HMCN1: variants seen among roughly 807,000 people sequenced by gnomAD.
HMCN1 encodes hemicentin-1.
A neutral mutation model predicts 625.9 loss-of-function variants in HMCN1; 321 were observed. The observed-to-expected ratio is 0.51, with a 90% CI of 0.47 to 0.56. The LOEUF (loss-of-function observed/expected upper bound fraction) is 0.56, where lower values mean the gene tolerates loss of function less well. HMCN1 is among the 20% of genes least tolerant of loss of function. HMCN1 has a pLI of 0.00. For synonymous variants in HMCN1, 2,425 were observed against 2,417.6 expected (o/e 1.00, Z -0.09); for missense variants, 6,588 against 6,887.3 (o/e 0.96, Z 1.54).
intron 52 of HMCN1, 88 bp from the exon 53 acceptor site, chr1:186,074,653 T>TA (rs770349855): frequency 1.8e-5 from 21 of 1,193,596 alleles, no homozygotes; most frequent in East Asian, 2.4e-5. Flanking sequence ...TTCATTTATT[T>TA]AAAAAATCAC....
chr1:186,089,736 T>C (rs1659732000), intron 63 of HMCN1, among the ~76,000 whole-genome samples: 1 of 151,950 alleles, frequency 6.6e-6, no homozygotes, highest in Non-Finnish European at 1.5e-5. Flanking sequence ...TAGGACCTAG[T>C]CCAGTGCTTG....
intron 11 of HMCN1, among the ~76,000 whole-genome samples, chr1:185,935,752 T>C (rs1331148393): frequency 6.6e-6 from 1 of 152,132 alleles, no homozygotes; most frequent in African/African-American, 2.4e-5. Flanking sequence ...AAATATAGTC[T>C]AGAATTGATA....
intron 1 of HMCN1, among the ~76,000 whole-genome samples, chr1:185,820,957 AATC>A (rs1270486486): frequency 6.6e-6 from 1 of 152,092 alleles, no homozygotes; most frequent in African/African-American, 2.4e-5. Context: ...GATGAGTTCT[AATC>A]ATCTAATTTT....
chr1:185,818,914 T>C (rs941401123), intron 1 of HMCN1, among the ~76,000 whole-genome samples: 1 of 151,654 alleles, frequency 6.6e-6, no homozygotes, highest in East Asian at 1.9e-4. Context: ...ATTTTACCTT[T>C]TTTTTTTTTG....
At chr1:186,086,795 TGATA>T (rs1553292612) in intron 58 of HMCN1, among the ~76,000 whole-genome samples, 13 of 121,480 alleles carry the variant, frequency 1.1e-4, no homozygotes, top group Middle Eastern at 4.1e-3. Context: ...GATAGATAGA[TGATA>T]GATAGATAGA....
At chr1:185,752,495 A>G (rs926417782) in intron 1 of HMCN1, among the ~76,000 whole-genome samples, 1 of 152,066 alleles carries the variant, frequency 6.6e-6, no homozygotes, top group Non-Finnish European at 1.5e-5. Context: ...CCTTATTCTT[A>G]CAACTCCATC....
rs764885125 is a variant in HMCN1, at chr1:186,019,585, G to C, written c.5515G>C (p.Val1839Leu). The C allele has an allele frequency of 3.7e-5, 60 of 1,610,706 alleles. No individual in the cohort carries two copies. The highest frequency in any genetic ancestry group is 4.8e-5 in the Non-Finnish European group (57 of 1,177,256). Residue 1839 changes from valine to leucine, a missense_variant, in exon 35 of 107, where the codon GTA becomes CTA. Physicochemically the swap from Val to Leu is conservative, Grantham distance 32. Transcript: ENST00000271588. Reference protein sequence around the residue: ...KSSGLSERVVVKYKPVALQCI... With the variant: ...KSSGLSERVVLKYKPVALQCI... ...CTCAGGCCTTTCTGAGAGAGTTGTG[G>C]TAAAATACAAGCCTGTCGCCTTGCA...
chr1:186,051,485 A>G (rs1308044704), intron 42 of HMCN1, among the ~76,000 whole-genome samples: 1 of 152,022 alleles, frequency 6.6e-6, no homozygotes, highest in East Asian at 1.9e-4. Context: ...GAGGGTCTCC[A>G]TTACAGATAT....
At chr1:185,863,483 A>T (rs921338540) in intron 2 of HMCN1, among the ~76,000 whole-genome samples, 9 of 152,236 alleles carry the variant, frequency 5.9e-5, no homozygotes, top group African/African-American at 2.2e-4. Flanking sequence ...TTTCAACAGC[A>T]GTGAAATGGT....
chr1:186,143,384 A>T (rs1025209705), intron 89 of HMCN1, among the ~76,000 whole-genome samples: 2 of 152,176 alleles, frequency 1.3e-5, no homozygotes, highest in African/African-American at 4.8e-5. Context: ...CAAAAATATG[A>T]CCTGGTATTC....
intron 1 of HMCN1, among the ~76,000 whole-genome samples, chr1:185,781,945 G>T (rs549382638): frequency 6.6e-6 from 1 of 152,150 alleles, no homozygotes; most frequent in Admixed American, 6.5e-5. Flanking sequence ...TGACAGTGGG[G>T]TGTTAAAGTC....
intron 1 of HMCN1, among the ~76,000 whole-genome samples, chr1:185,844,473 T>TTGTACCATA (rs1251236000): frequency 1.6e-4 from 25 of 152,368 alleles, no homozygotes; most frequent in African/African-American, 5.5e-4. Flanking sequence ...CAGTCTGTTT[T>TTGTACCATA]TGTACCATAT....
chr1:186,063,683 G>A (rs546338265), intron 48 of HMCN1, among the ~76,000 whole-genome samples: 27 of 152,054 alleles, frequency 1.8e-4, no homozygotes, highest in Non-Finnish European at 1.9e-4. Flanking sequence ...AAAGAAATAG[G>A]TTGGAGTTTT....
intron 86 of HMCN1, 81 bp downstream of exon 86, chr1:186,132,490 A>ATAGCAAGTTCATAAGTGGT: frequency 8.8e-7 from 1 of 1,135,482 alleles, no homozygotes; most frequent in Non-Finnish European, 1.3e-6. Flanking sequence ...CTTTAACTCT[A>ATAGCAAGTTCATAAGTGGT]TAGCAAGTTC....
chr1:185,780,772 G>C (rs998047891), intron 1 of HMCN1, among the ~76,000 whole-genome samples: 10 of 152,124 alleles, frequency 6.6e-5, no homozygotes, highest in African/African-American at 2.4e-4. Flanking sequence ...GAGGATTTTT[G>C]CATCGATGTT....
At chr1:185,996,309 G>A (rs1289997633) in intron 24 of HMCN1, among the ~76,000 whole-genome samples, 1 of 152,094 alleles carries the variant, frequency 6.6e-6, no homozygotes, top group East Asian at 1.9e-4. Context: ...TCCAGGAGAA[G>A]GACATAGAAT....
At chr1:185,854,961 C>T (rs571353621) in intron 2 of HMCN1, among the ~76,000 whole-genome samples, 211 of 152,156 alleles carry the variant, frequency 1.4e-3, no homozygotes, top group Non-Finnish European at 2.0e-3. Flanking sequence ...ATGCAGAATC[C>T]ATATGTGAGT....
chr1:186,140,353 T>A (rs1214420992), intron 89 of HMCN1, among the ~76,000 whole-genome samples: 7 of 152,210 alleles, frequency 4.6e-5, no homozygotes, highest in African/African-American at 1.7e-4. Context: ...TATTTTTTAA[T>A]ATACAGGCCA....
At chr1:185,910,872 C>T (rs1441897926) in intron 5 of HMCN1, among the ~76,000 whole-genome samples, 2 of 152,012 alleles carry the variant, frequency 1.3e-5, no homozygotes, top group Non-Finnish European at 2.9e-5. Flanking sequence ...CCTGGCCTAA[C>T]TTATTTCTTT....
Sources: allele counts gnomAD v4.1 joint callset (sites outside exome capture counted in the v4.1 genomes callset), GRCh38; gene constraint gnomAD v4.1.1; transcripts MANE v1.5; gene names NCBI Gene and HGNC (gene_info 2026-07-23, HGNC 2026-07-21).